NAV3: variants seen among roughly 807,000 people sequenced by gnomAD.
NAV3 encodes the protein neuron navigator 3.
In NAV3, 87 loss-of-function variants were observed where a neutral mutation model predicts 244.7. The observed-to-expected ratio is 0.36, with a 90% CI of 0.30 to 0.42. The LOEUF is 0.42. Among genes scored for constraint, NAV3 ranks in the 20% least tolerant of loss-of-function variants. The pLI, the probability that NAV3 is intolerant of heterozygous loss-of-function variation, is 1.00. For synonymous variants in NAV3, 1,126 were observed against 1,042.2 expected (o/e 1.08, Z -1.55); for missense variants, 2,663 against 2,893.3 (o/e 0.92, Z 1.83).
intron 2 of NAV3, among the ~76,000 whole-genome samples, chr12:77,697,021 T>C (rs1875337273): frequency 6.6e-6 from 1 of 152,158 alleles, no homozygotes; most frequent in Non-Finnish European, 1.5e-5. Flanking sequence ...GCTGGATGCT[T>C]CACCTTATTA....
At chr12:78,148,209 A>G (rs115342442) in intron 21 of NAV3, among the ~76,000 whole-genome samples, 119 of 152,180 alleles carry the variant, frequency 7.8e-4, no homozygotes, top group African/African-American at 2.7e-3. Context: ...TCTCTGAGCT[A>G]ATAATAACTC....
At chr12:77,822,573 G>A (rs975507058) in intron 2 of NAV3, among the ~76,000 whole-genome samples, 11 of 152,040 alleles carry the variant, frequency 7.2e-5, no homozygotes, top group African/African-American at 2.7e-4. Context: ...TAGAAGCCAG[G>A]TCTGGAGAAT....
intron 6 of NAV3, among the ~76,000 whole-genome samples, chr12:77,995,652 A>G (rs1351871662): frequency 6.6e-6 from 1 of 152,170 alleles, no homozygotes; most frequent in Non-Finnish European, 1.5e-5. Context: ...GACCACAAAG[A>G]CTGCGTCTGA....
At chr12:77,852,503 C>T (rs143070022) in intron 1 of NAV3, among the ~76,000 whole-genome samples, 7,798 of 152,098 alleles carry the variant, frequency 0.051, 308 homozygotes, top group South Asian at 0.19. Context: ...CGCACCACTG[C>T]ACTCCAGCCT....
At chr12:77,645,969 C>A (rs531836140) in intron 2 of NAV3, among the ~76,000 whole-genome samples, 3 of 152,110 alleles carry the variant, frequency 2.0e-5, no homozygotes, top group Non-Finnish European at 1.5e-5. Flanking sequence ...TGAGGGGTGA[C>A]CTTAGGATTA....
chr12:77,654,387 C>A (rs537120435), intron 2 of NAV3, among the ~76,000 whole-genome samples: 32 of 152,332 alleles, frequency 2.1e-4, no homozygotes, highest in Admixed American at 7.2e-4. Flanking sequence ...TGCAAGGCGG[C>A]AGCGAGGCTG....
At chr12:77,756,552 A>C (rs992417087) in intron 2 of NAV3, among the ~76,000 whole-genome samples, 1 of 152,180 alleles carries the variant, frequency 6.6e-6, no homozygotes, top group Non-Finnish European at 1.5e-5. Flanking sequence ...TGTGTGGTTT[A>C]TGAGCCTGGA....
At chr12:77,685,473 G>GCACACACACACACACACACA (rs778398842) in intron 2 of NAV3, among the ~76,000 whole-genome samples, 8 of 42,594 alleles carry the variant, frequency 1.9e-4, no homozygotes, top group African/African-American at 3.8e-4. Flanking sequence ...GCATACACAT[G>GCACACACACACACACACACA]CACACACACA....
chr12:78,075,640 A>G (rs909806960), intron 12 of NAV3, among the ~76,000 whole-genome samples: 1 of 152,148 alleles, frequency 6.6e-6, no homozygotes, highest in Admixed American at 6.5e-5. Flanking sequence ...GTGAAAAGAG[A>G]GTATGAGATT....
At chr12:78,060,215 G>GA (rs1360225742) in intron 12 of NAV3, among the ~76,000 whole-genome samples, 2 of 152,082 alleles carry the variant, frequency 1.3e-5, no homozygotes, top group African/African-American at 4.8e-5. Context: ...CAGCATTTAT[G>GA]AAAAAGACAA....
chr12:77,867,640 T>C (rs1370618849), intron 1 of NAV3, among the ~76,000 whole-genome samples: 5 of 152,114 alleles, frequency 3.3e-5, no homozygotes, highest in African/African-American at 1.2e-4. Context: ...CAGGATGGTC[T>C]CGATCTCCTG....
intron 2 of NAV3, among the ~76,000 whole-genome samples, chr12:77,780,465 G>T (rs1870607765): frequency 6.6e-6 from 1 of 152,128 alleles, no homozygotes; most frequent in African/African-American, 2.4e-5. Context: ...AAGACTTATT[G>T]CAATAAAGGT....
chr12:77,660,636 C>T (rs557337095), intron 2 of NAV3, among the ~76,000 whole-genome samples: 10 of 152,138 alleles, frequency 6.6e-5, no homozygotes, highest in South Asian at 2.1e-4. Context: ...ATATTATATA[C>T]GTGCATATAT....
At chr12:77,667,991 C>T (rs1434820791) in intron 2 of NAV3, among the ~76,000 whole-genome samples, 1 of 152,206 alleles carries the variant, frequency 6.6e-6, no homozygotes, top group African/African-American at 2.4e-5. Context: ...CAGACACTCC[C>T]CAGTACCACC....
rs12310991 is a variant in NAV3, at chr12:78,029,788, C to G, written c.2023+7926C>G. ...AGTGACCTTGAACACATTATTTTTT[C>G]ACTGCATTAATGCTATGTCATATTT... On this transcript the variant is annotated intron_variant, in intron 9 of 39. Transcript: ENST00000397909. 4.9e-3 allele frequency among the ~76,000 whole-genome samples: 740 copies of G among 152,246 alleles called. 3 individuals are homozygous for G. The highest frequency in any genetic ancestry group is 0.017 in the African/African-American group (687 of 41,552).
intron 9 of NAV3, among the ~76,000 whole-genome samples, chr12:78,031,260 G>A (rs936403780): frequency 2.6e-5 from 4 of 152,172 alleles, no homozygotes; most frequent in Non-Finnish European, 2.9e-5. Context: ...TGTGTATTAA[G>A]CCTACCTGGA....
At chr12:77,729,530 A>C (rs1877030872) in intron 2 of NAV3, among the ~76,000 whole-genome samples, 1 of 152,014 alleles carries the variant, frequency 6.6e-6, no homozygotes, top group South Asian at 2.1e-4. Context: ...ACATTTGGAA[A>C]GTGAAATGTA....
intron 12 of NAV3, among the ~76,000 whole-genome samples, chr12:78,114,319 A>G (rs1450968622): frequency 6.6e-6 from 1 of 152,160 alleles, no homozygotes; most frequent in Non-Finnish European, 1.5e-5. Context: ...GGGTATCTTT[A>G]CAGCAGTGCC....
intron 2 of NAV3, among the ~76,000 whole-genome samples, chr12:77,584,131 AT>A (rs1262587127): frequency 6.6e-6 from 1 of 152,104 alleles, no homozygotes; most frequent in Non-Finnish European, 1.5e-5. Context: ...CTTAAGAATG[AT>A]TGTTTGTATT....
Sources: allele counts gnomAD v4.1 joint callset (sites outside exome capture counted in the v4.1 genomes callset), GRCh38; gene constraint gnomAD v4.1.1; transcripts MANE v1.5; gene names NCBI Gene and HGNC (gene_info 2026-07-23, HGNC 2026-07-21).